The following RCC2 variants were observed in gnomAD, a reference collection of about 807,000 sequenced individuals.
RCC2 encodes the protein regulator of chromosome condensation 2.
RCC2 carries 19 observed loss-of-function variants against 64.1 expected under a neutral mutation model. The ratio of observed to expected loss-of-function variants is 0.30; its 90% confidence interval spans 0.21 to 0.44. RCC2 has a LOEUF of 0.44. Among genes scored for constraint, RCC2 ranks in the 20% least tolerant of loss-of-function variants. RCC2 has a pLI of 1.00. For missense variants in RCC2, 508 were observed against 710.4 expected, an observed-to-expected ratio of 0.72 and a Z score of 3.24; for synonymous variants, 325 against 279.6, an observed-to-expected ratio of 1.16 and a Z score of -1.62.
chr1:17,410,894 C>T (rs1173764903), intron 11 of RCC2, among the ~76,000 whole-genome samples: 1 of 152,150 alleles, frequency 6.6e-6, no homozygotes, highest in African/African-American at 2.4e-5. Flanking sequence ...CTGATAGGCC[C>T]CAGAAAACAT....
chr1:17,420,742 G>C lies in RCC2; in HGVS notation c.831C>G (p.Ser277=). The change falls in exon 7 of 13, where the codon TCC becomes TCG. Residue 277 remains serine, a synonymous_variant. Transcript: ENST00000375436. The part of the protein sequence containing the change: ...MIMDCKGNLY[S]FGCPEYGQLG... ...GCTGACCATATTCAGGGCACCCAAA[G>C]GAATAGAGGTTTCCTTTGCAGTCCA... 1 of 1,607,096 alleles carries C rather than the reference G, an allele frequency of 6.2e-7. No individual in the cohort carries two copies. The highest frequency in any genetic ancestry group is 8.5e-7 in the Non-Finnish European group (1 of 1,178,398).
Position 17,409,002 on chromosome 1 carries a change from TA to T in RCC2, c.*87del. The T allele has an allele frequency of 9.2e-7, 1 of 1,083,314 alleles. No homozygotes were observed. Among genetic ancestry groups the T allele is most frequent in the Non-Finnish European group, 1.4e-6 (1 of 702,532 alleles). 67.1% of individuals were successfully genotyped at this position (1,083,314 alleles called of 1,614,324 possible). ...CACCTTCGGTCAACTTTTGCTTTTT[TA>T]AATTCCTCGTTTGACTTCCCGTCCC... On this transcript the variant is annotated 3_prime_UTR_variant, in exon 13 of 13. Transcript: ENST00000375436.
intron 1 of RCC2, 79 bp downstream of exon 1, chr1:17,439,466 T>C (rs1368917979): frequency 6.8e-6 from 1 of 146,826 alleles, no homozygotes; most frequent in Non-Finnish European, 1.5e-5. Flanking sequence ...TTTTTTAACC[T>C]TTTCTCTTTA....
chr1:17,419,890 C>G lies in RCC2; in HGVS notation c.859+824G>C, dbSNP rs566297430. On this transcript the variant is annotated intron_variant, in intron 7 of 12. Coordinates refer to ENST00000375436, the MANE Select transcript of RCC2 (RefSeq NM_018715.4). Reference sequence around the variant, plus strand: ...AAATGTGCGTAAGGGGCTGTTCTCTCTTATTCACTTCTGACTTGAAGTATA... The same window carrying G: ...AAATGTGCGTAAGGGGCTGTTCTCTGTTATTCACTTCTGACTTGAAGTATA... Among the ~76,000 whole-genome samples the G allele has an allele frequency of 7.7e-4, 118 of 152,384 alleles. 1 individual carries two copies. Among genetic ancestry groups the G allele is most frequent in the African/African-American group, 2.7e-3 (114 of 41,600 alleles).
At chr1:17,424,907 C>A (rs1431232549) in intron 4 of RCC2, among the ~76,000 whole-genome samples, 2 of 152,292 alleles carry the variant, frequency 1.3e-5, no homozygotes, top group East Asian at 3.9e-4. Flanking sequence ...CAGAGGCTAA[C>A]AGAAGAACTG....
In RCC2 at chr1:17,438,221, C is replaced by T; in HGVS notation, c.285+9G>A. 1.6e-6 allele frequency: 2 copies of T among 1,286,802 alleles called. No individual in the cohort carries two copies. Among genetic ancestry groups the T allele is most frequent in the East Asian group, 4.2e-5 (1 of 23,866 alleles). The allele number at this position is 1,286,802 out of a possible 1,614,324, so 79.7% of individuals were successfully genotyped here. On this transcript the variant is annotated intron_variant, in intron 2 of 12. Transcript: ENST00000375436. ...CTGCGCCCACCCGTCTACCCTGACC[C>T]TCACTCACGACGCGCTCCTTGGTGT... is the stretch of plus-strand genomic sequence containing the variant.
intron 2 of RCC2, among the ~76,000 whole-genome samples, chr1:17,436,288 G>A (rs956300156): frequency 6.6e-6 from 1 of 152,196 alleles, no homozygotes; most frequent in African/African-American, 2.4e-5. Context: ...CAGATCACTT[G>A]AGGCCAGCAG....
At chr1:17,436,668 G>C (rs1381193918) in intron 2 of RCC2, among the ~76,000 whole-genome samples, 3 of 152,200 alleles carry the variant, frequency 2.0e-5, no homozygotes, top group African/African-American at 7.2e-5. Context: ...CTTTTGCTCT[G>C]ATGGCAAAAT....
At chr1:17,412,931 T>G in intron 10 of RCC2, 142 bp downstream of exon 10, 2 of 638,680 alleles carry the variant, frequency 3.1e-6, no homozygotes, top group East Asian at 2.7e-5. Context: ...GACTCTGGGA[T>G]TCAGTGTGTC....
intron 7 of RCC2, among the ~76,000 whole-genome samples, chr1:17,419,580 G>C (rs542129784): frequency 6.6e-6 from 1 of 152,244 alleles, no homozygotes; most frequent in Non-Finnish European, 1.5e-5. Context: ...CAAACTACCT[G>C]CAAGTTGAGT....
intron 8 of RCC2, among the ~76,000 whole-genome samples, chr1:17,414,640 TC>T (rs912231102): frequency 6.6e-6 from 1 of 151,432 alleles, no homozygotes; most frequent in African/African-American, 2.4e-5. Flanking sequence ...TCGTTTCTTT[TC>T]CCCCCCTCGA....
At chr1:17,413,441 G>A (rs1570174479) in intron 9 of RCC2, 96 bp downstream of exon 9, 1 of 1,263,768 alleles carries the variant, frequency 7.9e-7, no homozygotes, top group Non-Finnish European at 1.1e-6. Context: ...AACACTGGGA[G>A]GTAAAGAGAA....
Position 17,408,110 on chromosome 1 carries a change from C to G in RCC2, c.*980G>C, listed in dbSNP as rs1440002758. Reference sequence around the variant, plus strand: ...GGGTCAGCAGAACGGTACCCCGAGTCTCAGCAACAGGACGGCCCGCGCGAG... The same window carrying G: ...GGGTCAGCAGAACGGTACCCCGAGTGTCAGCAACAGGACGGCCCGCGCGAG... On this transcript the variant is annotated 3_prime_UTR_variant, in exon 13 of 13. Transcript: ENST00000375436. 6.6e-6 allele frequency: 1 copy of G among 152,294 alleles called. No homozygotes were observed. Among genetic ancestry groups the G allele is most frequent in the Non-Finnish European group, 1.5e-5 (1 of 68,110 alleles). The allele number at this position is 152,294 out of a possible 1,614,324, so 9.4% of individuals were successfully genotyped here.
At chr1:17,434,912 T>G (rs931097869) in intron 2 of RCC2, among the ~76,000 whole-genome samples, 2 of 152,218 alleles carry the variant, frequency 1.3e-5, no homozygotes, top group Non-Finnish European at 2.9e-5. Flanking sequence ...CAAGACAGCC[T>G]GGCCAACATG....
In RCC2 at chr1:17,409,087, G is replaced by C; in HGVS notation, c.*3C>G. 6.2e-7 allele frequency: 1 copy of C among 1,601,588 alleles called. No individual in the cohort carries two copies. Among genetic ancestry groups the C allele is most frequent in the Non-Finnish European group, 8.6e-7 (1 of 1,168,616 alleles). On this transcript the variant is annotated 3_prime_UTR_variant, in exon 13 of 13. Coordinates refer to ENST00000375436, the MANE Select transcript of RCC2 (RefSeq NM_018715.4). ...TGTGGAGTCGGAGGAGTCTCCGGGA[G>C]CATCAGAGGGTTCGGGGGTTGTATT...
At chr1:17,424,462 A>T (rs144905549) in intron 4 of RCC2, among the ~76,000 whole-genome samples, 1 of 152,324 alleles carries the variant, frequency 6.6e-6, no homozygotes, top group Non-Finnish European at 1.5e-5. Context: ...GCTCTGGGGG[A>T]AGGGACACAC....
At position 17,407,707 on chromosome 1, in the gene RCC2, A is replaced by G. The variant is rs2075377431; in HGVS notation, c.*1383T>C. ...AGACAGTGACAAGTGGTAACAAAGC[A>G]AAAGAAAAAAAAAACTTGAAGAGAC... On this transcript the variant is annotated 3_prime_UTR_variant, in exon 13 of 13. Transcript: ENST00000375436. 1 of 152,634 alleles carries G rather than the reference A, an allele frequency of 6.6e-6. No homozygotes were observed. The highest frequency in any genetic ancestry group is 1.5e-5 in the Non-Finnish European group (1 of 68,040). The allele number at this position is 152,634 out of a possible 1,614,324, so 9.5% of individuals were successfully genotyped here. A position where few individuals can be genotyped will look rare whatever the true frequency, so the allele number is the denominator to read the frequency against.
intron 1 of RCC2, among the ~76,000 whole-genome samples, chr1:17,439,206 T>C (rs910325398): frequency 1.3e-5 from 2 of 151,838 alleles, no homozygotes; most frequent in African/African-American, 4.8e-5. Flanking sequence ...ATAAAAACTT[T>C]AATGGTGCCC....
intron 6 of RCC2, 52 bp downstream of exon 6, chr1:17,422,151 C>T (rs747766593): frequency 1.1e-4 from 151 of 1,368,040 alleles, no homozygotes; most frequent in Non-Finnish European, 1.5e-4. Context: ...AAATCAAACA[C>T]AAAAGTAAAG....
Sources: gnomAD v4.1 joint callset for allele counts (sites outside exome capture counted in the v4.1 genomes callset) on GRCh38, gnomAD v4.1.1 for gene constraint, MANE v1.5 for transcripts, NCBI Gene and HGNC (gene_info 2026-07-23, HGNC 2026-07-21) for gene names.